The following DVL2 variants were observed in gnomAD, a reference collection of about 807,000 sequenced individuals.
DVL2 encodes the protein segment polarity protein dishevelled homolog DVL-2.
Under a neutral mutation model 69.8 loss-of-function variants are expected in DVL2, and 38 were observed. The observed-to-expected ratio is 0.54, with a 90% CI of 0.42 to 0.71. The LOEUF (loss-of-function observed/expected upper bound fraction) is 0.71, where lower values mean the gene tolerates loss of function less well. Among genes scored for constraint, DVL2 ranks in the 30% least tolerant of loss-of-function variants. DVL2 has a pLI of 0.00. For synonymous variants in DVL2, 428 were observed against 392.4 expected (o/e 1.09, Z -1.07); for missense variants, 931 against 1,008.1 (o/e 0.92, Z 1.04).
intron 9 of DVL2, 25 bp from the exon 10 acceptor site, chr17:7,228,069 A>T (rs890310506): frequency 1.3e-5 from 20 of 1,521,216 alleles, no homozygotes; most frequent in Non-Finnish European, 1.8e-5. Context: ...AGTCCAGTCA[A>T]GGGCGCAGGG....
In DVL2 at chr17:7,230,342, G is replaced by C; in HGVS notation, c.353C>G (p.Pro118Arg). The change falls in exon 3 of 15, where the codon CCT becomes CGT. Residue 118 changes from proline (P) to arginine (R), a missense_variant. Pro to Arg is a moderately radical substitution (Grantham distance 103). Transcript: ENST00000005340. ...GCTGGTCCTCTCGGGTGGCAAAGGAGGTAAAGGTGGGGCTGGAGGCGCCAG... is the reference window on the plus strand; with the variant it reads ...GCTGGTCCTCTCGGGTGGCAAAGGACGTAAAGGTGGGGCTGGAGGCGCCAG... Reference protein sequence around the residue: ...AELAPPAPPLPPLPPERTSGI... With the variant: ...AELAPPAPPLRPLPPERTSGI... 6.2e-7 allele frequency: 1 copy of C among 1,614,198 alleles called. No individual in the cohort carries two copies. Among genetic ancestry groups the C allele is most frequent in the Non-Finnish European group, 8.5e-7 (1 of 1,180,036 alleles).
Position 7,229,082 on chromosome 17 carries a change from G to T in DVL2, c.958-37C>A, listed in dbSNP as rs201569488. The T allele has an allele frequency of 1.7e-4, 271 of 1,613,980 alleles. No homozygotes were observed. The highest frequency in any genetic ancestry group is 3.8e-4 in the Admixed American group (23 of 60,000). ...GGCAAGTGGGTCAGAGACACGGTGG[G>T]AGAGGCTGAGGGCCCCCGTGCAGGG... On this transcript the variant is annotated intron_variant, in intron 8 of 14. Transcript: ENST00000005340. This position sits in a 1 kb window ranked among gnomAD's most constrained non-coding sequence, Gnocchi z 4.4.
intron 1 of DVL2, chr17:7,233,864 G>T (rs762180993): frequency 6.3e-5 from 40 of 638,344 alleles, no homozygotes; most frequent in Non-Finnish European, 8.8e-5. Context: ...TCTGGTTTAG[G>T]ATATCCTAGT....
rs758864971 is a variant in DVL2 at position 7,232,200 on chromosome 17, TA to T, written c.195-1404del. On this transcript the variant is annotated intron_variant, in intron 1 of 14. Transcript: ENST00000005340. ...TAACAAATACTGTCGACTAAATGAA[TA>T]AACGTATAAAGCATCAGACTCTCTA... 4.6e-5 allele frequency among the ~76,000 whole-genome samples: 7 copies of T among 152,298 alleles called. No individual in the cohort carries two copies. The East Asian group carries it at 7.7e-4, about 17-fold the overall frequency.
At chr17:7,230,867 CT>C (rs2071532820) in intron 1 of DVL2, 70 bp from the exon 2 acceptor site, 1 of 1,214,514 alleles carries the variant, frequency 8.2e-7, no homozygotes, top group East Asian at 2.4e-5. Flanking sequence ...ATCAAACTTT[CT>C]CCCAATCTTC....
chr17:7,231,587 G>T (rs779868647), intron 1 of DVL2, among the ~76,000 whole-genome samples: 1 of 151,380 alleles, frequency 6.6e-6, no homozygotes, highest in Admixed American at 6.6e-5. Context: ...TAGAGGCCAG[G>T]CGTAGTGACT....
intron 1 of DVL2, 186 bp downstream of exon 1, chr17:7,233,883 G>A (rs2071588656): frequency 7.4e-6 from 5 of 678,634 alleles, no homozygotes; most frequent in Admixed American, 2.5e-5. Flanking sequence ...GTCTGTCCGT[G>A]TGCCTCAATC....
rs769657194 is a variant in DVL2 at position 7,229,961 on chromosome 17, G to A, written c.521-18C>T. Reference sequence around the variant, plus strand: ...GCCCCCAGCTACATATGGACAGGAAGCTCAAGAACCAAGCTTCCCCCTGCT... The same window carrying A: ...GCCCCCAGCTACATATGGACAGGAAACTCAAGAACCAAGCTTCCCCCTGCT... On this transcript the variant is annotated intron_variant, in intron 4 of 14. Transcript: ENST00000005340. This position sits in a 1 kb window ranked among gnomAD's most constrained non-coding sequence, Gnocchi z 4.4. 9 of 1,608,014 alleles carry A rather than the reference G, an allele frequency of 5.6e-6. No individual in the cohort carries two copies. The East Asian group carries it at 6.7e-5, about 12-fold the overall frequency.
chr17:7,229,921 G>A lies in DVL2; in HGVS notation c.543C>T (p.Gly181=). The change falls in exon 5 of 15, where the codon GGC becomes GGT. Residue 181 remains glycine (G), a synonymous_variant. Transcript: ENST00000005340. The surrounding 1 kb of genome is among the most constrained non-coding windows in gnomAD (Gnocchi z 4.4). ...EHGAGGHRTG[G]PSRLERHLAG... is the part of the protein sequence containing the mutation. ...CCAGGTGGCGCTCCAGCCTTGAGGG[G>A]CCACCAGTCCTGTGGCCCCCAGCTA... 6.2e-7 allele frequency: 1 copy of A among 1,608,882 alleles called. No individual in the cohort carries two copies. The highest frequency in any genetic ancestry group is 1.3e-5 in the African/African-American group (1 of 75,014).
Position 7,227,537 on chromosome 17 carries a change from T to C in DVL2, c.1232-2A>G. The C allele has an allele frequency of 3.1e-6, 5 of 1,613,808 alleles. No individual in the cohort carries two copies. The highest frequency in any genetic ancestry group is 4.2e-6 in the Non-Finnish European group (5 of 1,179,696). On this transcript the variant is annotated splice_acceptor_variant, in intron 11 of 14. Coordinates refer to ENST00000005340, the MANE Select transcript of DVL2 (RefSeq NM_004422.3). LOFTEE classifies it high-confidence loss of function. ...CGGAGAGACCCCGGCCTTCACAGCC[T>C]GGCAGAGGAGACAACGGGTAACCAG...
Position 7,227,647 on chromosome 17 carries a change from C to A in DVL2, c.1231+8G>T, listed in dbSNP as rs148237525. ...GGGAGGGTGGGATGAGGTGGGCTGG[C>A]GGCTCACCATCAGGCAAAGACGATC... is the stretch of plus-strand genomic sequence containing the variant. On this transcript the variant is annotated splice_region_variant and intron_variant, in intron 11 of 14. Coordinates refer to ENST00000005340, the MANE Select transcript of DVL2 (RefSeq NM_004422.3). 8.1e-6 allele frequency: 13 copies of A among 1,614,032 alleles called. No homozygotes were observed. Among genetic ancestry groups the A allele is most frequent in the Non-Finnish European group, 1.1e-5 (13 of 1,180,010 alleles).
At position 7,234,504 on chromosome 17, in the gene DVL2, T is replaced by G; in HGVS notation, c.-242A>C. On this transcript the variant is annotated 5_prime_UTR_variant, in exon 1 of 15. Coordinates refer to ENST00000005340, the MANE Select transcript of DVL2 (RefSeq NM_004422.3). The stretch of plus-strand genomic sequence containing the variant: ...GCCACCGCCACCGACGCCGCGAGCT[T>G]CCTCCAGGTACCCGCCCACCTCTCC... 1.9e-6 allele frequency: 1 copy of G among 532,526 alleles called. No individual in the cohort carries two copies. The highest frequency in any genetic ancestry group is 3.3e-6 in the Non-Finnish European group (1 of 306,630). The allele number at this position is 532,526 out of a possible 1,614,324, so 33.0% of individuals were successfully genotyped here.
Position 7,225,495 on chromosome 17 carries a change from CA to C in DVL2, c.*369del, listed in dbSNP as rs2071428091. On this transcript the variant is annotated 3_prime_UTR_variant, in exon 15 of 15. Transcript: ENST00000005340. The stretch of plus-strand genomic sequence containing the variant: ...GTACCGCTGACCACCCCCAACCCTG[CA>C]AAGGGCAGGGCTGTGGGTAACTGGA... The C allele has an allele frequency of 4.7e-6, 2 of 423,280 alleles. No homozygotes were observed. Among genetic ancestry groups the C allele is most frequent in the Admixed American group, 4.0e-5 (1 of 24,766 alleles). 26.2% of individuals were successfully genotyped at this position (423,280 alleles called of 1,614,324 possible).
chr17:7,228,138 G>C, intron 9 of DVL2, 94 bp from the exon 10 acceptor site: 1 of 1,067,208 alleles, frequency 9.4e-7, no homozygotes, highest in Non-Finnish European at 1.4e-6. Context: ...GAGACACAAA[G>C]AGGGGGAGAA....
Position 7,226,572 on chromosome 17 carries a change from A to T in DVL2, c.1611T>A (p.Ala537=), listed in dbSNP as rs1310273304. 1.9e-6 allele frequency: 3 copies of T among 1,607,656 alleles called. No homozygotes were observed. The highest frequency in any genetic ancestry group is 2.5e-6 in the Non-Finnish European group (3 of 1,177,472). Residue 537 remains alanine (A), a synonymous_variant, in exon 14 of 15, where the codon GCT becomes GCA. Transcript: ENST00000005340. ...GCCAGGGGGTGGCCCCAGGCAGAGGAGCCAGGGTATCCTGGTCTGAAGCCC... is the reference window on the plus strand; with the variant it reads ...GCCAGGGGGTGGCCCCAGGCAGAGGTGCCAGGGTATCCTGGTCTGAAGCCC... ...SSGASDQDTL[A]PLPGATPWPL...
Position 7,229,548 on chromosome 17 carries a change from A to C in DVL2, c.747+40T>G, listed in dbSNP as rs754745206. 6 of 1,599,268 alleles carry C rather than the reference A, an allele frequency of 3.8e-6. No homozygotes were observed. In the East Asian group the frequency reaches 1.3e-4, roughly 36 times the overall value. Reference sequence around the variant, plus strand: ...CCGCCCAAACCAAAGCCCATGCCCCACCTTCTCCCAGCACCAGCCTTCCTG... The same window carrying C: ...CCGCCCAAACCAAAGCCCATGCCCCCCCTTCTCCCAGCACCAGCCTTCCTG... On this transcript the variant is annotated intron_variant, in intron 6 of 14. Coordinates refer to ENST00000005340, the MANE Select transcript of DVL2 (RefSeq NM_004422.3). The surrounding 1 kb of genome is among the most constrained non-coding windows in gnomAD (Gnocchi z 4.4).
At chr17:7,233,748 G>C (rs867802837) in intron 1 of DVL2, among the ~76,000 whole-genome samples, 1 of 152,118 alleles carries the variant, frequency 6.6e-6, no homozygotes, top group African/African-American at 2.4e-5. Flanking sequence ...TCCTGAGAAC[G>C]TACTAAACAA....
At position 7,225,979 on chromosome 17, in the gene DVL2, C is replaced by A. The variant is rs201425014; in HGVS notation, c.2097G>T (p.Pro699=). Residue 699 remains proline (P), a synonymous_variant, in exon 15 of 15, where the codon CCG becomes CCT. Transcript: ENST00000005340. The stretch of plus-strand genomic sequence containing the variant: ...CCAGGTCTCTGACTGGAGGGGCCCC[C>A]GGAGGCTGCACTGCTGGAGGGACTG... ...PPPVPPAVQP[P]GAPPVRDLGS... is the part of the protein sequence containing the mutation. 7 of 1,613,668 alleles carry A rather than the reference C, an allele frequency of 4.3e-6. No homozygotes were observed. The highest frequency in any genetic ancestry group is 5.9e-6 in the Non-Finnish European group (7 of 1,179,914).
At chr17:7,228,669 C>T in intron 9 of DVL2, 1 of 352,250 alleles carries the variant, frequency 2.8e-6, no homozygotes, top group Non-Finnish European at 5.3e-6. Context: ...CAACCTCCAC[C>T]CCCCAGGGTT....
Sources: gnomAD v4.1 joint callset for allele counts (sites outside exome capture counted in the v4.1 genomes callset) on GRCh38, gnomAD v4.1.1 for gene constraint, Gnocchi (gnomAD v3.1) non-coding constraint, MANE v1.5 for transcripts, NCBI Gene and HGNC (gene_info 2026-07-23, HGNC 2026-07-21) for gene names.